SGMS2: variants seen among roughly 807,000 people sequenced by gnomAD.
SGMS2 encodes the protein phosphatidylcholine:ceramide cholinephosphotransferase 2.
In SGMS2, 21 loss-of-function variants were observed where a neutral mutation model predicts 43.8. The ratio of observed to expected loss-of-function variants is 0.48; its 90% CI spans 0.34 to 0.69. The LOEUF (loss-of-function observed/expected upper bound fraction) is 0.69. Among genes scored for constraint, SGMS2 ranks in the 30% least tolerant of loss-of-function variants. The pLI is 0.01. For missense variants in SGMS2, 384 were observed against 443.2 expected (o/e 0.87, Z 1.20); for synonymous variants, 167 against 160.6 (o/e 1.04, Z -0.30).
intron 2 of SGMS2, chr4:107,863,639 C>A (rs552266194): frequency 6.6e-6 from 1 of 152,136 alleles, no homozygotes; most frequent in Non-Finnish European, 1.5e-5. Flanking sequence ...AAAGGCCATG[C>A]GATCATGGAG....
At chr4:107,859,349 A>G (rs543182210) in intron 2 of SGMS2, among the ~76,000 whole-genome samples, 1 of 152,274 alleles carries the variant, frequency 6.6e-6, no homozygotes, top group South Asian at 2.1e-4. Flanking sequence ...GGACCATGTA[A>G]TCCCAAATCA....
At chr4:107,873,355 TCTCTA>T (rs1417607268) in intron 2 of SGMS2, 4 of 152,148 alleles carry the variant, frequency 2.6e-5, no homozygotes, top group African/African-American at 7.2e-5. Context: ...TACTTCTGTT[TCTCTA>T]CTCCCTGCAG....
intron 4 of SGMS2, among the ~76,000 whole-genome samples, 186 bp downstream of exon 4, chr4:107,899,878 TA>T (rs925418922): frequency 3.9e-5 from 6 of 152,218 alleles, no homozygotes; most frequent in South Asian, 4.1e-4. Flanking sequence ...CCTTTTGTGC[TA>T]AAAAAATGTA....
chr4:107,860,899 A>G lies in SGMS2; in HGVS notation c.-245+2346A>G, dbSNP rs544069564. Among the ~76,000 whole-genome samples, 7 of 152,256 alleles carry G rather than the reference A, an allele frequency of 4.6e-5. No homozygotes were observed. In the East Asian group the frequency reaches 5.8e-4, roughly 13 times the overall value. On this transcript the variant is annotated intron_variant, in intron 2 of 6. Transcript: ENST00000690982. ...TCATCAGCGTCTGGATATTTTGCCAATTCTCATAGCTTAAATGTCAGACTG... is the reference window on the plus strand; with the variant it reads ...TCATCAGCGTCTGGATATTTTGCCAGTTCTCATAGCTTAAATGTCAGACTG...
intron 1 of SGMS2, among the ~76,000 whole-genome samples, chr4:107,846,103 G>C (rs150574517): frequency 6.6e-6 from 1 of 152,010 alleles, no homozygotes; most frequent in East Asian, 1.9e-4. Context: ...GGTGTGGAAA[G>C]CTGTTTTTTT....
At chr4:107,826,363 G>A (rs140235028) in intron 1 of SGMS2, among the ~76,000 whole-genome samples, 2 of 152,328 alleles carry the variant, frequency 1.3e-5, no homozygotes, top group East Asian at 1.9e-4. Context: ...AAGTTCCTTA[G>A]ATTGGGAAGT....
chr4:107,868,815 T>C (rs1342221371), intron 2 of SGMS2, among the ~76,000 whole-genome samples: 1 of 152,224 alleles, frequency 6.6e-6, no homozygotes, highest in African/African-American at 2.4e-5. Flanking sequence ...GTTAGGATTT[T>C]CTTTTTCCAC....
intron 1 of SGMS2, among the ~76,000 whole-genome samples, chr4:107,836,246 C>A (rs1339124277): frequency 4.6e-5 from 7 of 152,176 alleles, no homozygotes; most frequent in Non-Finnish European, 8.8e-5. Flanking sequence ...CTCTAACCAG[C>A]CTTATCCTTA....
At chr4:107,888,081 C>T (rs904124603) in intron 2 of SGMS2, among the ~76,000 whole-genome samples, 46 of 152,108 alleles carry the variant, frequency 3.0e-4, no homozygotes, top group African/African-American at 1.1e-3. Flanking sequence ...CATACGCCCA[C>T]CTCTTCCACG....
chr4:107,846,979 A>C (rs1204227185), intron 1 of SGMS2, among the ~76,000 whole-genome samples: 2 of 151,902 alleles, frequency 1.3e-5, no homozygotes, highest in Non-Finnish European at 2.9e-5. Flanking sequence ...TTTCTTGTAA[A>C]TTTGTTTGAG....
chr4:107,910,718 T>G lies in SGMS2; in HGVS notation c.*165T>G, dbSNP rs1031038111. The G allele has an allele frequency of 2.7e-5, 17 of 629,116 alleles. No homozygotes were observed. The African/African-American group carries it at 3.1e-4, about 12-fold the overall frequency. The allele number at this position is 629,116 out of a possible 1,614,324, so 39.0% of individuals were successfully genotyped here. A position where few individuals can be genotyped will look rare whatever the true frequency, so the allele number is the denominator to read the frequency against. On this transcript the variant is annotated 3_prime_UTR_variant, in exon 7 of 7. Coordinates refer to ENST00000690982, the MANE Select transcript of SGMS2 (RefSeq NM_001375905.1). ...AACAAAGTATTGCCCTTTGACTGGT[T>G]TTCTTCTTCATCCTGAGAAAGATAC... is the stretch of plus-strand genomic sequence containing the variant.
chr4:107,836,155 A>T (rs1726158662), intron 1 of SGMS2, among the ~76,000 whole-genome samples: 1 of 152,220 alleles, frequency 6.6e-6, no homozygotes, highest in Non-Finnish European at 1.5e-5. Flanking sequence ...CTACACTTAC[A>T]GATATCTCAG....
Position 107,894,887 on chromosome 4 carries a change from C to G in SGMS2, c.-244-423C>G, listed in dbSNP as rs17038198. The stretch of plus-strand genomic sequence containing the variant: ...ACAATTATTCAATGCATATAAGCCT[C>G]TTACCAGTTTTTTATTCTTTCTTTA... On this transcript the variant is annotated intron_variant, in intron 2 of 6. Coordinates refer to ENST00000690982, the MANE Select transcript of SGMS2 (RefSeq NM_001375905.1). Among the ~76,000 whole-genome samples the G allele has an allele frequency of 2.4e-3, 370 of 152,306 alleles. 3 individuals carry two copies. The highest frequency in any genetic ancestry group is 8.5e-3 in the African/African-American group (355 of 41,568).
chr4:107,880,846 T>G (rs1729278514), intron 2 of SGMS2, among the ~76,000 whole-genome samples: 1 of 110,068 alleles, frequency 9.1e-6, no homozygotes, highest in Non-Finnish European at 1.8e-5. Context: ...ATAGCGAGAC[T>G]GTCTCAAAAA....
At chr4:107,888,610 A>T (rs1296051413) in intron 2 of SGMS2, among the ~76,000 whole-genome samples, 1 of 152,100 alleles carries the variant, frequency 6.6e-6, no homozygotes, top group Non-Finnish European at 1.5e-5. Flanking sequence ...TACCAAAAAA[A>T]AAATTATTTT....
At chr4:107,845,733 CAG>C (rs1037684082) in intron 1 of SGMS2, among the ~76,000 whole-genome samples, 1 of 152,144 alleles carries the variant, frequency 6.6e-6, no homozygotes, top group African/African-American at 2.4e-5. Flanking sequence ...ATTGTTTTGT[CAG>C]GGCACAATTT....
intron 1 of SGMS2, among the ~76,000 whole-genome samples, chr4:107,853,888 C>CA (rs1408846231): frequency 6.6e-6 from 1 of 152,018 alleles, no homozygotes; most frequent in Non-Finnish European, 1.5e-5. Context: ...CTGGAATGGT[C>CA]AAAAAAAGCT....
chr4:107,877,691 AATG>A (rs1729010307), intron 2 of SGMS2, among the ~76,000 whole-genome samples: 1 of 152,112 alleles, frequency 6.6e-6, no homozygotes, highest in African/African-American at 2.4e-5. Flanking sequence ...GAATTAGTAA[AATG>A]ATAGTTTAGG....
chr4:107,824,959 G>C lies in SGMS2; in HGVS notation c.-621G>C, dbSNP rs1033489521. The C allele has an allele frequency of 1.3e-5, 2 of 151,290 alleles. No homozygotes were observed. Among genetic ancestry groups the C allele is most frequent in the African/African-American group, 4.8e-5 (2 of 41,300 alleles). The allele number at this position is 151,290 out of a possible 1,614,324, so 9.4% of individuals were successfully genotyped here. A position where few individuals can be genotyped will look rare whatever the true frequency, so the allele number is the denominator to read the frequency against. On this transcript the variant is annotated 5_prime_UTR_variant, in exon 1 of 7. Transcript: ENST00000690982. ...TGAGCGCCGCGCCGTGGGCCGAGTG[G>C]GGCGGGGAGACCCAGCCCTCGGCGC...
Sources: allele counts gnomAD v4.1 joint callset (sites outside exome capture counted in the v4.1 genomes callset), GRCh38; gene constraint gnomAD v4.1.1; transcripts MANE v1.5; gene names NCBI Gene and HGNC (gene_info 2026-07-23, HGNC 2026-07-21).